ZNF827: variants seen among roughly 807,000 people sequenced by gnomAD.
ZNF827 encodes the protein zinc finger protein 827.
In ZNF827, 13 loss-of-function variants were observed where a neutral mutation model predicts 102.4. That is an observed-to-expected ratio of 0.13 (90% CI 0.08 to 0.20). The LOEUF (loss-of-function observed/expected upper bound fraction) is 0.20. Among genes scored for constraint, ZNF827 ranks in the 10% least tolerant of loss-of-function variants. The pLI is 1.00. For missense variants in ZNF827, 1,103 were observed against 1,344.4 expected (o/e 0.82, Z 2.81); for synonymous variants, 523 against 536.2 (o/e 0.98, Z 0.34).
intron 13 of ZNF827, 78 bp downstream of exon 13, chr4:145,764,910 C>A: frequency 6.2e-6 from 10 of 1,600,812 alleles, no homozygotes; most frequent in Non-Finnish European, 6.8e-6. Context: ...AAAACCTTCA[C>A]GGGAAGGGAC....
intron 8 of ZNF827, among the ~76,000 whole-genome samples, chr4:145,803,400 A>G (rs1741108728): frequency 6.6e-6 from 1 of 152,154 alleles, no homozygotes; most frequent in Non-Finnish European, 1.5e-5. Context: ...AAATGAGCTC[A>G]AGCTGGTTAC....
chr4:145,766,409 G>A (rs926492585), intron 11 of ZNF827, among the ~76,000 whole-genome samples: 2 of 152,214 alleles, frequency 1.3e-5, no homozygotes, highest in African/African-American at 4.8e-5. Flanking sequence ...ATCACTGGAT[G>A]TTAGGCAATG....
intron 9 of ZNF827, among the ~76,000 whole-genome samples, 164 bp downstream of exon 9, chr4:145,779,210 C>G (rs753505561): frequency 2.6e-5 from 4 of 152,188 alleles, no homozygotes; most frequent in East Asian, 1.9e-4. Context: ...AATAAAAAAG[C>G]CTTTCCAAGG....
At chr4:145,864,594 T>TA (rs1342555863) in intron 5 of ZNF827, among the ~76,000 whole-genome samples, 1 of 151,548 alleles carries the variant, frequency 6.6e-6, no homozygotes, top group African/African-American at 2.4e-5. Context: ...ACCCTGTCTC[T>TA]AAAAAAATAA....
chr4:145,770,299 A>AAAATAAATAAAT (rs150231954), intron 11 of ZNF827, among the ~76,000 whole-genome samples: 29 of 87,264 alleles, frequency 3.3e-4, no homozygotes, highest in Non-Finnish European at 5.5e-4. Context: ...ACCCTGTCTT[A>AAAATAAATAAAT]AAATAAATAA....
intron 4 of ZNF827, among the ~76,000 whole-genome samples, chr4:145,872,735 C>T (rs944682983): frequency 6.6e-6 from 1 of 151,362 alleles, no homozygotes; most frequent in African/African-American, 2.4e-5. Context: ...ATAAGCCAGA[C>T]GTGGTGGCAT....
At chr4:145,833,592 A>G (rs1216312921) in intron 7 of ZNF827, among the ~76,000 whole-genome samples, 1 of 151,966 alleles carries the variant, frequency 6.6e-6, no homozygotes, top group African/African-American at 2.4e-5. Context: ...CTTAGCGGCA[A>G]GTCCCGCTTT....
intron 8 of ZNF827, among the ~76,000 whole-genome samples, chr4:145,800,859 C>T (rs192636057): frequency 2.6e-5 from 4 of 152,296 alleles, no homozygotes; most frequent in Non-Finnish European, 4.4e-5. Context: ...GAGAACCATA[C>T]ATCTAATGTA....
intron 11 of ZNF827, among the ~76,000 whole-genome samples, chr4:145,771,799 A>G (rs1294649547): frequency 1.3e-5 from 2 of 152,260 alleles, no homozygotes; most frequent in Non-Finnish European, 2.9e-5. Context: ...TGTAGATCAC[A>G]ACTTCACTTA....
chr4:145,882,581 C>G (rs1023117870), intron 4 of ZNF827, among the ~76,000 whole-genome samples: 1 of 152,164 alleles, frequency 6.6e-6, no homozygotes. Flanking sequence ...TAATCCCACT[C>G]GGTTCCATTC....
Position 145,885,784 on chromosome 4 carries a change from G to A in ZNF827, c.1641C>T (p.His547=). ...TLNAADRPAN[H]TKLKDPSEYV... ...ACTCGGAGGGGTCTTTCAGCTTTGT[G>A]TGGTTGGCGGGCCTGTCGGCAGCAT... is the stretch of plus-strand genomic sequence containing the variant. Residue 547 remains histidine (H), a synonymous_variant, in exon 4 of 15, where the codon CAC becomes CAT. Coordinates refer to ENST00000508784, the MANE Select transcript of ZNF827 (RefSeq NM_001306215.2). 2 of 1,612,170 alleles carry A rather than the reference G, an allele frequency of 1.2e-6. No homozygotes were observed. Among genetic ancestry groups the A allele is most frequent in the Non-Finnish European group, 1.7e-6 (2 of 1,179,000 alleles).
intron 1 of ZNF827, among the ~76,000 whole-genome samples, chr4:145,929,661 A>G (rs765380483): frequency 1.8e-4 from 28 of 152,154 alleles, no homozygotes; most frequent in Non-Finnish European, 3.5e-4. Context: ...AGAAAAAAAA[A>G]CCATAGAAAC....
intron 5 of ZNF827, among the ~76,000 whole-genome samples, chr4:145,861,884 GCAGCTATGCGA>G (rs774902370): frequency 6.6e-6 from 1 of 152,232 alleles, no homozygotes; most frequent in Non-Finnish European, 1.5e-5. Flanking sequence ...ATTAACATAT[GCAGCTATGCGA>G]CAGGGAGATG....
chr4:145,829,613 C>T (rs1218795383), intron 7 of ZNF827, among the ~76,000 whole-genome samples: 2 of 152,126 alleles, frequency 1.3e-5, no homozygotes, highest in Admixed American at 1.3e-4. Context: ...AGATATATGT[C>T]TGAGAAACTA....
chr4:145,819,679 C>G (rs1415301497), intron 8 of ZNF827, among the ~76,000 whole-genome samples: 2 of 152,206 alleles, frequency 1.3e-5, no homozygotes, highest in Non-Finnish European at 2.9e-5. Flanking sequence ...AGCAACATCA[C>G]CACCCAGGGT....
intron 5 of ZNF827, among the ~76,000 whole-genome samples, chr4:145,851,272 AG>A (rs1746502107): frequency 1.1e-4 from 3 of 27,172 alleles, no homozygotes; most frequent in East Asian, 0.013. Context: ...AGGAAACTTC[AG>A]ATAGATAGAT....
Position 145,763,195 on chromosome 4 carries a change from T to C in ZNF827, c.3231-73A>G, listed in dbSNP as rs1342418947. On this transcript the variant is annotated intron_variant, in intron 13 of 14. Coordinates refer to ENST00000508784, the MANE Select transcript of ZNF827 (RefSeq NM_001306215.2). This position sits in a 1 kb window ranked among gnomAD's most constrained non-coding sequence, Gnocchi z 4.6. ...TGAACAGGATATAGAGTACAAGCAG[T>C]TCCATCACAGAAAAGCAATTTAGAC... is the stretch of plus-strand genomic sequence containing the variant. 6.2e-6 allele frequency: 9 copies of C among 1,462,908 alleles called. No individual in the cohort carries two copies. Among genetic ancestry groups the C allele is most frequent in the Non-Finnish European group, 7.3e-6 (8 of 1,089,742 alleles). The allele number at this position is 1,462,908 out of a possible 1,614,324, so 90.6% of individuals were successfully genotyped here.
rs1310341406 is a variant in ZNF827, at chr4:145,849,564, G to A, written c.1982-3C>T. ...CTGTGTTTCCTTGTAGCTTTCCGCT[G>A]CAAGTAGGTGAATGAAGAGAAACAA... On this transcript the variant is annotated splice_region_variant and splice_polypyrimidine_tract_variant and intron_variant, in intron 5 of 14. Coordinates refer to ENST00000508784, the MANE Select transcript of ZNF827 (RefSeq NM_001306215.2). 3 of 1,613,276 alleles carry A rather than the reference G, an allele frequency of 1.9e-6. No individual in the cohort carries two copies. The highest frequency in any genetic ancestry group is 2.5e-6 in the Non-Finnish European group (3 of 1,179,480).
chr4:145,874,250 G>A (rs1748965110), intron 4 of ZNF827, among the ~76,000 whole-genome samples: 1 of 152,222 alleles, frequency 6.6e-6, no homozygotes, highest in African/African-American at 2.4e-5. Flanking sequence ...TATATTGCTG[G>A]ATTATACATT....
Sources: allele counts gnomAD v4.1 joint callset (sites outside exome capture counted in the v4.1 genomes callset), GRCh38; gene constraint gnomAD v4.1.1; non-coding constraint Gnocchi (gnomAD v3.1); transcripts MANE v1.5; gene names NCBI Gene and HGNC (gene_info 2026-07-23, HGNC 2026-07-21).